The following TRIO variants were observed in gnomAD, a reference collection of about 807,000 sequenced individuals.
The protein encoded by TRIO is triple functional domain protein.
In TRIO, 58 loss-of-function variants were observed where a neutral mutation model predicts 351.9. The ratio of observed to expected loss-of-function variants is 0.16; its 90% confidence interval spans 0.13 to 0.21. The LOEUF is 0.21. Ranked by LOEUF, TRIO falls within the 10% of genes least tolerant of loss-of-function variation. TRIO has a pLI of 1.00. For missense variants in TRIO, 3,201 were observed against 4,027.8 expected (o/e 0.79, Z 5.56); for synonymous variants, 1,758 against 1,595.7 (o/e 1.10, Z -2.42).
intron 1 of TRIO, among the ~76,000 whole-genome samples, chr5:14,235,827 A>T (rs1224837297): frequency 1.3e-5 from 2 of 151,258 alleles, no homozygotes; most frequent in East Asian, 4.0e-4. Flanking sequence ...ATTTTTAATT[A>T]AAAAAAATTT....
At chr5:14,470,905 G>C (rs1754632916) in intron 37 of TRIO, among the ~76,000 whole-genome samples, 1 of 152,166 alleles carries the variant, frequency 6.6e-6, no homozygotes, top group Non-Finnish European at 1.5e-5. Flanking sequence ...ATGTCCAGGT[G>C]CCACACTGGC....
intron 40 of TRIO, 91 bp downstream of exon 40, chr5:14,474,188 C>T: frequency 8.0e-7 from 1 of 1,251,682 alleles, no homozygotes; most frequent in Non-Finnish European, 1.1e-6. Flanking sequence ...TTATTCTGTT[C>T]ATCGTATTAC....
At position 14,414,176 on chromosome 5, in the gene TRIO, C is replaced by T. The variant is rs144167241; in HGVS notation, c.4960-5602C>T. On this transcript the variant is annotated intron_variant, in intron 33 of 56. Transcript: ENST00000344204. ...TTTGCCTCTTCCCCGCCCTCGTTCC[C>T]TTTTCCACTTCATAGCCAGAAAGCG... is the stretch of plus-strand genomic sequence containing the variant. Among the ~76,000 whole-genome samples the T allele has an allele frequency of 8.5e-4, 130 of 152,330 alleles. 1 individual carries two copies. The highest frequency in any genetic ancestry group is 3.1e-3 in the African/African-American group (127 of 41,576).
At chr5:14,213,861 TG>T (rs1430689748) in intron 1 of TRIO, among the ~76,000 whole-genome samples, 1 of 152,178 alleles carries the variant, frequency 6.6e-6, no homozygotes, top group Non-Finnish European at 1.5e-5. Context: ...AAAAAGACCA[TG>T]GTACTGGCCC....
At chr5:14,204,366 G>A (rs1323878402) in intron 1 of TRIO, among the ~76,000 whole-genome samples, 5 of 152,132 alleles carry the variant, frequency 3.3e-5, no homozygotes, top group African/African-American at 1.2e-4. Flanking sequence ...CTTGGTCGAT[G>A]GTCACAGAGG....
chr5:14,290,875 C>A lies in TRIO; in HGVS notation c.700C>A (p.Leu234Met). 1 of 1,614,142 alleles carries A rather than the reference C, an allele frequency of 6.2e-7. No homozygotes were observed. Residue 234 changes from leucine (L) to methionine (M), a missense_variant, in exon 5 of 57, where the codon CTG becomes ATG. Coordinates refer to ENST00000344204, the MANE Select transcript of TRIO (RefSeq NM_007118.4). ...ISNATHMLSR[L>M]EELQDILAKK... ...CAATGCCACCCACATGCTGTCTCGG[C>A]TGGAGGAACTTCAGGACATCCTAGC...
At chr5:14,420,717 G>T (rs1052892698) in intron 34 of TRIO, 7 of 152,830 alleles carry the variant, frequency 4.6e-5, no homozygotes, top group Middle Eastern at 6.8e-3. Context: ...CCTGTTGCCA[G>T]AATGCTTTGC....
intron 14 of TRIO, among the ~76,000 whole-genome samples, 199 bp downstream of exon 14, chr5:14,364,126 TTCTCACATAC>T (rs1470336647): frequency 2.6e-5 from 4 of 152,244 alleles, no homozygotes; most frequent in Admixed American, 6.5e-5. Context: ...ACCCATGATA[TTCTCACATAC>T]TATTTTAAGT....
intron 19 of TRIO, among the ~76,000 whole-genome samples, 181 bp from the exon 20 acceptor site, chr5:14,377,831 T>C (rs887333072): frequency 2.0e-5 from 3 of 152,102 alleles, no homozygotes; most frequent in Admixed American, 2.0e-4. Flanking sequence ...CAAATGGAGG[T>C]GAGAGTGAGA....
intron 1 of TRIO, among the ~76,000 whole-genome samples, chr5:14,215,474 C>T (rs1350794961): frequency 6.6e-6 from 1 of 152,086 alleles, no homozygotes; most frequent in Non-Finnish European, 1.5e-5. Flanking sequence ...TTTTTTCCTT[C>T]AGCTTTCTTT....
At chr5:14,351,583 C>T (rs1015981297) in intron 11 of TRIO, among the ~76,000 whole-genome samples, 11 of 152,348 alleles carry the variant, frequency 7.2e-5, no homozygotes, top group Middle Eastern at 3.4e-3. Context: ...AAGTTGAATA[C>T]TTCACACGTG....
chr5:14,160,393 C>G (rs970431318), intron 1 of TRIO, among the ~76,000 whole-genome samples: 2 of 152,144 alleles, frequency 1.3e-5, no homozygotes, highest in African/African-American at 4.8e-5. Context: ...TTTTCATCTT[C>G]AAAGGACGTT....
intron 1 of TRIO, among the ~76,000 whole-genome samples, chr5:14,238,205 C>T (rs1793895950): frequency 6.6e-6 from 1 of 152,134 alleles, no homozygotes; most frequent in South Asian, 2.1e-4. Flanking sequence ...AGATTTTGTT[C>T]TTGGAGGGAT....
At position 14,487,980 on chromosome 5, in the gene TRIO, C is replaced by G. The variant is rs753390682; in HGVS notation, c.7352C>G (p.Ala2451Gly). 5.8e-6 allele frequency: 9 copies of G among 1,555,868 alleles called. No homozygotes were observed. In the East Asian group the frequency reaches 1.2e-4, roughly 21 times the overall value. The change falls in exon 48 of 57, where the codon GCC (alanine) becomes GGC (glycine). Residue 2451 changes from alanine to glycine, a missense_variant. Ala to Gly is a moderately conservative substitution (Grantham distance 60, BLOSUM62 0). This residue lies in a region of TRIO where 1,089 missense variants were observed against 954.9 expected (regional missense o/e 1.14). Transcript: ENST00000344204. ...LGTLPLGKPRAGAASPLNSPL... is the reference protein window; with the variant it reads ...LGTLPLGKPRGGAASPLNSPL... ...ACCCTGCCGCTTGGGAAGCCCCGGGCCGGGGCCGCTTCGCCGCTGAACTCG... is the reference window on the plus strand; with the variant it reads ...ACCCTGCCGCTTGGGAAGCCCCGGGGCGGGGCCGCTTCGCCGCTGAACTCG...
chr5:14,491,513 G>A (rs370590596), intron 48 of TRIO, among the ~76,000 whole-genome samples: 5 of 152,318 alleles, frequency 3.3e-5, no homozygotes, highest in Admixed American at 6.5e-5. Flanking sequence ...AGCTTCAGGC[G>A]TTGGCAGGGG....
At chr5:14,319,599 G>A (rs1022108138) in intron 9 of TRIO, among the ~76,000 whole-genome samples, 2 of 152,174 alleles carry the variant, frequency 1.3e-5, no homozygotes, top group Admixed American at 6.5e-5. Flanking sequence ...TTAGAGACAC[G>A]ACAGTGGTTT....
chr5:14,221,004 G>C (rs2152208500), intron 1 of TRIO, among the ~76,000 whole-genome samples: 1 of 152,342 alleles, frequency 6.6e-6, no homozygotes, highest in East Asian at 1.9e-4. Flanking sequence ...TAAAACTTCA[G>C]AGGACAGGCG....
intron 34 of TRIO, among the ~76,000 whole-genome samples, chr5:14,428,297 C>T (rs1750815325): frequency 6.6e-6 from 1 of 152,176 alleles, no homozygotes; most frequent in African/African-American, 2.4e-5. Context: ...TCAGAAAACA[C>T]ACCCCAAGCA....
chr5:14,428,664 A>G (rs1750844187), intron 34 of TRIO, among the ~76,000 whole-genome samples: 2 of 152,226 alleles, frequency 1.3e-5, no homozygotes, highest in African/African-American at 2.4e-5. Flanking sequence ...TCGTGTTCCA[A>G]CTTTACATTA....
Sources: gnomAD v4.1 joint callset for allele counts (sites outside exome capture counted in the v4.1 genomes callset) on GRCh38, gnomAD v4.1.1 for gene constraint, gnomAD v4.1.1 regional missense constraint, MANE v1.5 for transcripts, NCBI Gene and HGNC (gene_info 2026-07-23, HGNC 2026-07-21) for gene names.